MKLN1: variants seen among roughly 807,000 people sequenced by gnomAD.
The protein encoded by MKLN1 is muskelin 1.
A neutral mutation model predicts 99.0 loss-of-function variants in MKLN1; 18 were observed. The observed-to-expected ratio is 0.18, with a 90% CI of 0.13 to 0.27. The LOEUF is 0.27. Ranked by LOEUF, MKLN1 falls within the 10% of genes least tolerant of loss-of-function variation. MKLN1 has a pLI of 1.00. For synonymous variants in MKLN1, 288 were observed against 293.2 expected (o/e 0.98, Z 0.18); for missense variants, 621 against 875.9 (o/e 0.71, Z 3.67).
intron 4 of MKLN1, among the ~76,000 whole-genome samples, chr7:131,390,983 T>C (rs143466635): frequency 1.3e-5 from 2 of 152,264 alleles, no homozygotes; most frequent in Admixed American, 1.3e-4. Flanking sequence ...GATAACTTAG[T>C]ATGTCTTACT....
At chr7:131,436,891 C>G (rs915569849) in intron 9 of MKLN1, among the ~76,000 whole-genome samples, 1 of 151,984 alleles carries the variant, frequency 6.6e-6, no homozygotes, top group African/African-American at 2.4e-5. Flanking sequence ...TGTAGCTGTG[C>G]TATTTATTCA....
At chr7:131,241,286 G>A (rs1422135143) in intron 3 of MKLN1, among the ~76,000 whole-genome samples, 3 of 150,332 alleles carry the variant, frequency 2.0e-5, no homozygotes, top group African/African-American at 7.3e-5. Context: ...GCTGAGGCAT[G>A]AGAATTGCTT....
intron 2 of MKLN1, among the ~76,000 whole-genome samples, chr7:131,202,173 T>TG (rs1273022988): frequency 1.2e-5 from 1 of 85,386 alleles, no homozygotes; most frequent in African/African-American, 4.6e-5. Flanking sequence ...TTTTTTTTTT[T>TG]TTTTTGAGAT....
intron 2 of MKLN1, among the ~76,000 whole-genome samples, chr7:131,151,849 G>A (rs1423549821): frequency 2.0e-5 from 3 of 151,976 alleles, no homozygotes; most frequent in Non-Finnish European, 4.4e-5. Flanking sequence ...GAATATTCAC[G>A]ATATATAAAT....
At chr7:131,466,935 G>C (rs180685338) in intron 15 of MKLN1, among the ~76,000 whole-genome samples, 44 of 150,006 alleles carry the variant, frequency 2.9e-4, no homozygotes. Context: ...GCGCGCGCGC[G>C]CACACACGCA....
intron 12 of MKLN1, among the ~76,000 whole-genome samples, chr7:131,459,408 C>T (rs1796447828): frequency 2.0e-5 from 3 of 152,034 alleles, no homozygotes; most frequent in Non-Finnish European, 4.4e-5. Context: ...TTTTTATGAC[C>T]CACCTTGAGG....
intron 2 of MKLN1, among the ~76,000 whole-genome samples, chr7:131,143,390 C>T (rs1285743376): frequency 3.9e-5 from 6 of 152,080 alleles, no homozygotes; most frequent in African/African-American, 1.4e-4. Context: ...CGCTTGAACC[C>T]AGGAGGCAGA....
chr7:131,154,099 C>T (rs1001875513), intron 2 of MKLN1, among the ~76,000 whole-genome samples: 5 of 151,980 alleles, frequency 3.3e-5, no homozygotes, highest in Non-Finnish European at 5.9e-5. Flanking sequence ...TATACATACA[C>T]GCATATATGC....
chr7:131,282,073 G>A (rs866503244), intron 3 of MKLN1, among the ~76,000 whole-genome samples: 15 of 152,124 alleles, frequency 9.9e-5, no homozygotes, highest in African/African-American at 3.4e-4. Context: ...AGATGGGCTG[G>A]GCATGGTGGC....
intron 8 of MKLN1, among the ~76,000 whole-genome samples, chr7:131,419,836 G>GAC (rs1795138644): frequency 6.6e-6 from 1 of 152,144 alleles, no homozygotes; most frequent in Non-Finnish European, 1.5e-5. Flanking sequence ...ACTGTGTTGA[G>GAC]TTTTTTAGGA....
At chr7:131,408,366 G>A (rs1021462400) in intron 6 of MKLN1, among the ~76,000 whole-genome samples, 45 of 152,128 alleles carry the variant, frequency 3.0e-4, no homozygotes, top group African/African-American at 1.0e-3. Flanking sequence ...GGTCAAAAAG[G>A]ATTTTATGCT....
In MKLN1 at chr7:131,119,234, A is replaced by T. The variant is rs190469038; in HGVS notation, c.-419+9027A>T. On this transcript the variant is annotated intron_variant, in intron 1 of 7. Transcript: ENST00000416992. ...AGGCCCCATGCAAGTCCAGAACTCC[A>T]GAGGGCAGCATTAAATCTTAAAGCT... Among the ~76,000 whole-genome samples, 603 of 152,370 alleles carry T rather than the reference A, an allele frequency of 4.0e-3. 1 individual carries two copies. The highest frequency in any genetic ancestry group is 0.01 in the Middle Eastern group (3 of 294).
At chr7:131,237,879 G>A (rs1385684262) in intron 3 of MKLN1, among the ~76,000 whole-genome samples, 1 of 152,174 alleles carries the variant, frequency 6.6e-6, no homozygotes, top group African/African-American at 2.4e-5. Context: ...GGGTGTGGTA[G>A]CTCAGATCTA....
chr7:131,293,881 C>G (rs1204421901), intron 3 of MKLN1, among the ~76,000 whole-genome samples: 1 of 152,076 alleles, frequency 6.6e-6, no homozygotes. Flanking sequence ...TCTTGATAGT[C>G]TAGAACAGGG....
At chr7:131,131,004 A>G (rs1795540770) in intron 1 of MKLN1, among the ~76,000 whole-genome samples, 2 of 143,254 alleles carry the variant, frequency 1.4e-5, no homozygotes, top group African/African-American at 5.3e-5. Flanking sequence ...GTGAGCTATA[A>G]TCATGCCATT....
At chr7:131,289,264 C>G (rs1032721281) in intron 3 of MKLN1, among the ~76,000 whole-genome samples, 3 of 152,162 alleles carry the variant, frequency 2.0e-5, no homozygotes, top group African/African-American at 7.2e-5. Flanking sequence ...TATTAGAAAC[C>G]TAGAAGGGGG....
chr7:131,223,853 G>A lies in MKLN1; in HGVS notation c.-179+20879G>A, dbSNP rs548563551. On this transcript the variant is annotated intron_variant, in intron 3 of 7. Transcript: ENST00000416992. The stretch of plus-strand genomic sequence containing the variant: ...GCGATCTCGGCTTACTCCAGCCTCC[G>A]CCTCCTGGGTTCAAGCGATTCTCCT... Among the ~76,000 whole-genome samples, 8 of 151,994 alleles carry A rather than the reference G, an allele frequency of 5.3e-5. No individual in the cohort carries two copies. The East Asian group carries it at 1.2e-3, about 22-fold the overall frequency.
chr7:131,303,826 T>C (rs1798412838), intron 3 of MKLN1, among the ~76,000 whole-genome samples: 1 of 152,226 alleles, frequency 6.6e-6, no homozygotes. Flanking sequence ...TTCACTCTTA[T>C]ATCCCCATTG....
At chr7:131,224,682 C>T (rs1797114155) in intron 3 of MKLN1, among the ~76,000 whole-genome samples, 1 of 151,572 alleles carries the variant, frequency 6.6e-6, no homozygotes, top group South Asian at 2.1e-4. Flanking sequence ...TTGGAGGTTA[C>T]AGTGATCATG....
Sources: gnomAD v4.1 joint callset for allele counts (sites outside exome capture counted in the v4.1 genomes callset) on GRCh38, gnomAD v4.1.1 for gene constraint, MANE v1.5 for transcripts, NCBI Gene and HGNC (gene_info 2026-07-23, HGNC 2026-07-21) for gene names.